Variants in PIAS4 observed in about 807,000 individuals in gnomAD.
PIAS4 encodes the protein protein inhibitor of activated STAT 4, also known as E3 SUMO-protein ligase PIAS4.
Under a neutral mutation model 58.0 loss-of-function variants are expected in PIAS4, and 7 were observed. The observed-to-expected ratio is 0.12, with a 90% confidence interval of 0.07 to 0.23. PIAS4 has a LOEUF of 0.23. Among genes scored for constraint, PIAS4 ranks in the 10% least tolerant of loss-of-function variants. The probability of loss-of-function intolerance (pLI) is 1.00; values close to 1 mark genes in which losing one functional copy is unlikely to be tolerated. For missense variants in PIAS4, 550 were observed against 709.5 expected (o/e 0.78, Z 2.55); for synonymous variants, 364 against 312.4 (o/e 1.17, Z -1.74).
At chr19:4,030,073 C>A (rs1387454278) in intron 7 of PIAS4, among the ~76,000 whole-genome samples, 1 of 151,642 alleles carries the variant, frequency 6.6e-6, no homozygotes, top group Non-Finnish European at 1.5e-5. Context: ...CCGCTTGCCT[C>A]GGCCTCCCAA....
chr19:4,013,341 C>T lies in PIAS4; in HGVS notation c.446C>T (p.Thr149Ile), dbSNP rs1165580590. ...ATGCTGGATGAGCTGCTGAAGCCCA[C>T]CGAATTAGGTGAGTGGTCACCCTGG... ...FNMLDELLKP[T>I]ELVPQNNEKL... The change falls in exon 2 of 11, where the codon ACC becomes ATC. Residue 149 changes from threonine to isoleucine, a missense_variant. Thr to Ile is a moderately conservative substitution (Grantham distance 89). Coordinates refer to ENST00000262971, the MANE Select transcript of PIAS4 (RefSeq NM_015897.4). The surrounding 1 kb of genome is among the most constrained non-coding windows in gnomAD (Gnocchi z 5.1). The T allele has an allele frequency of 6.2e-7, 1 of 1,611,758 alleles. No individual in the cohort carries two copies. The highest frequency in any genetic ancestry group is 8.5e-7 in the Non-Finnish European group (1 of 1,179,174).
rs745311661 is a variant in PIAS4, at chr19:4,028,884, A to G, written c.801+36A>G. 6 of 1,609,824 alleles carry G rather than the reference A, an allele frequency of 3.7e-6. No individual in the cohort carries two copies. In the East Asian group the frequency reaches 1.1e-4, roughly 30 times the overall value. ...GCCCGGGTGCCCACCCTGCCCCCCA[A>G]CCCCGGCCCCGTCCTGCCAGCCCTG... On this transcript the variant is annotated intron_variant, in intron 6 of 10. Coordinates refer to ENST00000262971, the MANE Select transcript of PIAS4 (RefSeq NM_015897.4).
chr19:4,012,828 G>A, intron 1 of PIAS4, 95 bp from the exon 2 acceptor site: 3 of 1,360,988 alleles, frequency 2.2e-6, no homozygotes, highest in Non-Finnish European at 3.0e-6. Flanking sequence ...GCGAGTGGGT[G>A]TCTTTCACGG....
At chr19:4,015,935 G>A (rs1389319347) in intron 2 of PIAS4, among the ~76,000 whole-genome samples, 1 of 152,204 alleles carries the variant, frequency 6.6e-6, no homozygotes, top group Non-Finnish European at 1.5e-5. Context: ...AGGCTGCAGG[G>A]GCCTCAGGCT....
rs1223766718 is a variant in PIAS4 at position 4,013,804 on chromosome 19, G to A, written c.454+455G>A. On this transcript the variant is annotated intron_variant, in intron 2 of 10. Transcript: ENST00000262971. The surrounding 1 kb of genome is among the most constrained non-coding windows in gnomAD (Gnocchi z 5.1). ...GGACTCCTGCACGGATTGCCTGGGC[G>A]TCCTCAGCCTGGTGGCTCCCTCACC... Among the ~76,000 whole-genome samples, 4 of 152,156 alleles carry A rather than the reference G, an allele frequency of 2.6e-5. No individual in the cohort carries two copies. The highest frequency in any genetic ancestry group is 2.0e-4 in the Admixed American group (3 of 15,282).
chr19:4,013,453 C>G lies in PIAS4; in HGVS notation c.454+104C>G. On this transcript the variant is annotated intron_variant, in intron 2 of 10. Transcript: ENST00000262971. This position sits in a 1 kb window ranked among gnomAD's most constrained non-coding sequence, Gnocchi z 5.1. ...CGACTTCGAGTGATGTTCTCTGTGG[C>G]GCAGCCAGGGCGGGGAGCCACAGTG... The G allele has an allele frequency of 3.7e-6, 4 of 1,078,962 alleles. No individual in the cohort carries two copies. In the South Asian group the frequency reaches 6.0e-5, roughly 16 times the overall value. The allele number at this position is 1,078,962 out of a possible 1,614,324, so 66.8% of individuals were successfully genotyped here. A position where few individuals can be genotyped will look rare whatever the true frequency, so the allele number is the denominator to read the frequency against.
At chr19:4,030,346 G>T (rs1475027629) in intron 7 of PIAS4, among the ~76,000 whole-genome samples, 1 of 142,790 alleles carries the variant, frequency 7.0e-6, no homozygotes, top group Non-Finnish European at 1.6e-5. Flanking sequence ...CCGGCAAGGC[G>T]CAGTGGCTCA....
chr19:4,022,497 G>A lies in PIAS4; in HGVS notation c.455-1539G>A, dbSNP rs532221644. Among the ~76,000 whole-genome samples the A allele has an allele frequency of 4.6e-5, 7 of 152,060 alleles. 1 individual carries two copies. The South Asian group carries it at 1.5e-3, about 32-fold the overall frequency. On this transcript the variant is annotated intron_variant, in intron 2 of 10. Coordinates refer to ENST00000262971, the MANE Select transcript of PIAS4 (RefSeq NM_015897.4). ...TTCTCCTGCCTCAGCCTCCCTAGTA[G>A]CTGGGACTGCAGGCGCCTGCCACTA...
Position 4,013,396 on chromosome 19 carries a change from C to A in PIAS4, c.454+47C>A. 1 of 1,521,130 alleles carries A rather than the reference C, an allele frequency of 6.6e-7. No homozygotes were observed. The highest frequency in any genetic ancestry group is 9.0e-7 in the Non-Finnish European group (1 of 1,111,536). The allele number at this position is 1,521,130 out of a possible 1,614,324, so 94.2% of individuals were successfully genotyped here. A position where few individuals can be genotyped will look rare whatever the true frequency, so the allele number is the denominator to read the frequency against. ...GCTGCGACTGGAGGCTTCACCTAGG[C>A]CCCGTCGCCCAGCCCAGCCCAGCCA... On this transcript the variant is annotated intron_variant, in intron 2 of 10. Transcript: ENST00000262971. This position sits in a 1 kb window ranked among gnomAD's most constrained non-coding sequence, Gnocchi z 5.1.
At chr19:4,027,184 C>T (rs770621061) in intron 3 of PIAS4, among the ~76,000 whole-genome samples, 12 of 152,128 alleles carry the variant, frequency 7.9e-5, no homozygotes, top group Non-Finnish European at 1.5e-4. Context: ...GACGAGGTTT[C>T]ACCATATTGC....
chr19:4,033,453 G>T lies in PIAS4; in HGVS notation c.1015G>T (p.Ala339Ser). 4 of 1,564,032 alleles carry T rather than the reference G, an allele frequency of 2.6e-6. No individual in the cohort carries two copies. Among genetic ancestry groups the T allele is most frequent in the Non-Finnish European group, 3.5e-6 (4 of 1,155,076 alleles). ...GATGCGGCTCTCCGTGCCCTGCCGG[G>T]CAGAGACCTGTGCCCACCTGCAGTG... ...VKMRLSVPCRAETCAHLQCFD... is the reference protein window; with the variant it reads ...VKMRLSVPCRSETCAHLQCFD... The change falls in exon 9 of 11, where the codon GCA becomes TCA. Residue 339 changes from alanine to serine, a missense_variant. By Grantham distance (99) the Ala-to-Ser change is moderately conservative. This residue lies in a region of PIAS4 where 225 missense variants were observed against 345.8 expected (regional missense o/e 0.65). Coordinates refer to ENST00000262971, the MANE Select transcript of PIAS4 (RefSeq NM_015897.4).
chr19:4,007,922 A>C, intron 1 of PIAS4, 135 bp downstream of exon 1: 5 of 521,940 alleles, frequency 9.6e-6, no homozygotes, highest in Non-Finnish European at 1.4e-5. Context: ...CGGCCCCCAG[A>C]CCCCGACCCC....
At position 4,025,971 on chromosome 19, in the gene PIAS4, G is replaced by A. The variant is rs566510953; in HGVS notation, c.539+1851G>A. 5.3e-5 allele frequency among the ~76,000 whole-genome samples: 8 copies of A among 150,182 alleles called. No homozygotes were observed. In the South Asian group the frequency reaches 8.5e-4, roughly 16 times the overall value. On this transcript the variant is annotated intron_variant, in intron 3 of 10. Coordinates refer to ENST00000262971, the MANE Select transcript of PIAS4 (RefSeq NM_015897.4). ...CGCCTGTAGTCCCAGCTACTCGGGA[G>A]GCTGAGGCAGGAGAATGGCGTGAAC...
intron 8 of PIAS4, 81 bp from the exon 9 acceptor site, chr19:4,033,339 G>A: frequency 7.1e-7 from 1 of 1,404,536 alleles, no homozygotes; most frequent in South Asian, 1.3e-5. Flanking sequence ...GCGAGCCACA[G>A]GATGGAGCTG....
At chr19:4,012,252 C>T (rs1461083554) in intron 1 of PIAS4, among the ~76,000 whole-genome samples, 1 of 151,972 alleles carries the variant, frequency 6.6e-6, no homozygotes, top group Non-Finnish European at 1.5e-5. Context: ...GCAAGAACCG[C>T]CCCTGGCTTC....
At chr19:4,028,683 C>T in intron 5 of PIAS4, 37 bp from the exon 6 acceptor site, 1 of 1,604,022 alleles carries the variant, frequency 6.2e-7, no homozygotes, top group Non-Finnish European at 8.5e-7. Flanking sequence ...TTCCCAGCCG[C>T]TCTTGGCTCG....
In PIAS4 at chr19:4,037,331, G is replaced by A. The variant is rs755944059; in HGVS notation, c.1143-43G>A. The A allele has an allele frequency of 4.5e-6, 7 of 1,569,296 alleles. No homozygotes were observed. Among genetic ancestry groups the A allele is most frequent in the Non-Finnish European group, 5.2e-6 (6 of 1,155,812 alleles). On this transcript the variant is annotated intron_variant, in intron 9 of 10. Coordinates refer to ENST00000262971, the MANE Select transcript of PIAS4 (RefSeq NM_015897.4). This position sits in a 1 kb window ranked among gnomAD's most constrained non-coding sequence, Gnocchi z 5.8. ...TGGAGGGCTGGGGAGTTGGGGGGGT[G>A]GGGCACCTCCAGCCCCGGCGTCAGC...
intron 4 of PIAS4, 94 bp downstream of exon 4, chr19:4,028,281 C>G: frequency 9.4e-7 from 1 of 1,058,362 alleles, no homozygotes; most frequent in South Asian, 1.3e-5. Flanking sequence ...TCTCAGTCTC[C>G]CCTGCTAACA....
Position 4,038,043 on chromosome 19 carries a change from G to A in PIAS4, c.*168G>A, listed in dbSNP as rs1009137448. ...ACCTGTACCTCTGGACTCTCCTATC[G>A]GGGGATTAAAAAAAAAAGTAAAATG... On this transcript the variant is annotated 3_prime_UTR_variant, in exon 11 of 11. Transcript: ENST00000262971. The surrounding 1 kb of genome is among the most constrained non-coding windows in gnomAD (Gnocchi z 4.1). The A allele has an allele frequency of 1.1e-5, 6 of 549,564 alleles. 1 individual carries two copies. The highest frequency in any genetic ancestry group is 4.0e-5 in the African/African-American group (2 of 50,064). 34.0% of individuals were successfully genotyped at this position (549,564 alleles called of 1,614,324 possible).
Sources: gnomAD v4.1 joint callset for allele counts (sites outside exome capture counted in the v4.1 genomes callset) on GRCh38, gnomAD v4.1.1 for gene constraint, gnomAD v4.1.1 regional missense constraint, Gnocchi (gnomAD v3.1) non-coding constraint, MANE v1.5 for transcripts, NCBI Gene and HGNC (gene_info 2026-07-23, HGNC 2026-07-21) for gene names.